THSD4: variants seen among roughly 807,000 people sequenced by gnomAD.
The protein encoded by THSD4 is thrombospondin type-1 domain-containing protein 4.
In THSD4, 69 loss-of-function variants were observed where a neutral mutation model predicts 119.0. The observed-to-expected ratio is 0.58, with a 90% confidence interval of 0.48 to 0.71. The LOEUF is 0.71. Among genes scored for constraint, THSD4 ranks in the 30% least tolerant of loss-of-function variants. The pLI is 0.00. For synonymous variants in THSD4, 524 were observed against 540.4 expected (o/e 0.97, Z 0.42); for missense variants, 1,393 against 1,391.1 (o/e 1.00, Z -0.02).
At chr15:71,466,139 G>T (rs989524619) in intron 7 of THSD4, among the ~76,000 whole-genome samples, 1 of 152,010 alleles carries the variant, frequency 6.6e-6, no homozygotes, top group Non-Finnish European at 1.5e-5. Context: ...CACGAGGTCA[G>T]GAGATCAAGA....
intron 7 of THSD4, among the ~76,000 whole-genome samples, chr15:71,460,704 T>G (rs2047418137): frequency 1.3e-5 from 2 of 152,238 alleles, no homozygotes; most frequent in Non-Finnish European, 1.5e-5. Context: ...GGGACAATTA[T>G]GAACATTACC....
chr15:71,572,960 A>G (rs1451909932), intron 7 of THSD4, among the ~76,000 whole-genome samples: 1 of 152,130 alleles, frequency 6.6e-6, no homozygotes, highest in Non-Finnish European at 1.5e-5. Context: ...CTGTTCCTGG[A>G]GAAGTCTGTA....
intron 6 of THSD4, among the ~76,000 whole-genome samples, chr15:71,320,145 C>G (rs1334838631): frequency 1.3e-5 from 2 of 152,130 alleles, no homozygotes; most frequent in African/African-American, 2.4e-5. Context: ...CCGAAGTTGG[C>G]CTTTGGATGA....
At chr15:71,447,262 A>G (rs144425296) in intron 7 of THSD4, among the ~76,000 whole-genome samples, 73 of 152,020 alleles carry the variant, frequency 4.8e-4, no homozygotes, top group African/African-American at 1.5e-3. Flanking sequence ...CTGGGACTAC[A>G]GGCATGTGCC....
chr15:71,635,845 T>C (rs1265069813), intron 7 of THSD4, among the ~76,000 whole-genome samples: 1 of 152,212 alleles, frequency 6.6e-6, no homozygotes, highest in African/African-American at 2.4e-5. Context: ...ATTATCTTAT[T>C]TGACTCTTGA....
At chr15:71,406,384 A>G (rs2046605252) in intron 6 of THSD4, among the ~76,000 whole-genome samples, 1 of 152,102 alleles carries the variant, frequency 6.6e-6, no homozygotes, top group South Asian at 2.1e-4. Flanking sequence ...GCCTTATAGT[A>G]TTGTTCAAGT....
intron 6 of THSD4, among the ~76,000 whole-genome samples, chr15:71,359,972 C>T (rs985909244): frequency 1.3e-5 from 2 of 152,322 alleles, no homozygotes; most frequent in East Asian, 3.9e-4. Context: ...TAACAGACCA[C>T]CCCAAAATTG....
chr15:71,303,472 C>T (rs181842614), intron 6 of THSD4, among the ~76,000 whole-genome samples: 6 of 152,304 alleles, frequency 3.9e-5, no homozygotes, highest in Admixed American at 2.6e-4. Flanking sequence ...CTCAGACAAG[C>T]CAGTTCTATG....
chr15:71,249,857 C>T (rs1293925777), intron 5 of THSD4, among the ~76,000 whole-genome samples: 4 of 152,168 alleles, frequency 2.6e-5, no homozygotes, highest in Non-Finnish European at 4.4e-5. Context: ...TCTCCATCAA[C>T]TCCTTATTCT....
At chr15:71,690,226 A>G (rs1283678157) in intron 8 of THSD4, among the ~76,000 whole-genome samples, 2 of 152,180 alleles carry the variant, frequency 1.3e-5, no homozygotes, top group Non-Finnish European at 2.9e-5. Flanking sequence ...TGAGCCTTAC[A>G]TTTTTTAAGA....
chr15:71,300,971 C>G (rs1408028124), intron 6 of THSD4, among the ~76,000 whole-genome samples: 1 of 152,136 alleles, frequency 6.6e-6, no homozygotes, highest in Non-Finnish European at 1.5e-5. Context: ...TTTTAGGACA[C>G]AAGAATTTGC....
intron 7 of THSD4, among the ~76,000 whole-genome samples, chr15:71,460,311 T>TTTTG (rs1378761410): frequency 6.7e-6 from 1 of 150,332 alleles, no homozygotes; most frequent in Non-Finnish European, 1.5e-5. Flanking sequence ...CCTGGTTTTT[T>TTTTG]TTTTTTTTTT....
chr15:71,376,866 C>T (rs557301674), intron 6 of THSD4, among the ~76,000 whole-genome samples: 2 of 152,336 alleles, frequency 1.3e-5, no homozygotes, highest in East Asian at 3.9e-4. Context: ...TTGAGGGTCT[C>T]AATCCCCCAG....
At chr15:71,351,830 C>T (rs1212228306) in intron 6 of THSD4, among the ~76,000 whole-genome samples, 1 of 152,318 alleles carries the variant, frequency 6.6e-6, no homozygotes, top group Non-Finnish European at 1.5e-5. Flanking sequence ...CTTTTTATCT[C>T]CCTACTCCCT....
At chr15:71,728,797 A>T (rs755096058) in intron 9 of THSD4, 73 bp downstream of exon 9, 1 of 1,566,900 alleles carries the variant, frequency 6.4e-7, no homozygotes, top group African/African-American at 1.3e-5. Flanking sequence ...ACTCTGAACA[A>T]ATAAGCAACA....
At chr15:71,673,450 C>T (rs2051574489) in intron 8 of THSD4, among the ~76,000 whole-genome samples, 1 of 152,176 alleles carries the variant, frequency 6.6e-6, no homozygotes, top group African/African-American at 2.4e-5. Flanking sequence ...CTCCTGGATT[C>T]ATTGATTTTT....
intron 7 of THSD4, among the ~76,000 whole-genome samples, chr15:71,528,117 C>A (rs2048553918): frequency 6.6e-6 from 1 of 152,264 alleles, no homozygotes; most frequent in Non-Finnish European, 1.5e-5. Flanking sequence ...TGCTCTCAGA[C>A]AAATACCCAA....
chr15:71,327,312 G>T (rs1314322699), intron 6 of THSD4, among the ~76,000 whole-genome samples: 4 of 151,908 alleles, frequency 2.6e-5, no homozygotes, highest in Non-Finnish European at 5.9e-5. Flanking sequence ...CCTGCCACCG[G>T]CCTACAGTTT....
chr15:71,619,292 C>T (rs1713561793), intron 7 of THSD4, among the ~76,000 whole-genome samples: 1 of 152,122 alleles, frequency 6.6e-6, no homozygotes, highest in Admixed American at 6.6e-5. Context: ...TTTTCTATAT[C>T]TTTCTGCATC....
Sources: gnomAD v4.1 joint callset for allele counts (sites outside exome capture counted in the v4.1 genomes callset) on GRCh38, gnomAD v4.1.1 for gene constraint, MANE v1.5 for transcripts, NCBI Gene and HGNC (gene_info 2026-07-23, HGNC 2026-07-21) for gene names.